Variants in DCAF17 observed in about 807,000 individuals in gnomAD.
DCAF17 encodes DDB1- and CUL4-associated factor 17.
DCAF17 carries 48 observed loss-of-function variants against 66.0 expected under a neutral mutation model. The observed-to-expected ratio is 0.73, with a 90% CI of 0.58 to 0.92. DCAF17 has a LOEUF of 0.92. DCAF17 is among the 40% of genes least tolerant of loss of function. The pLI is 0.00. For missense variants in DCAF17, 562 were observed against 622.8 expected, an observed-to-expected ratio of 0.90 and a Z score of 1.04; for synonymous variants, 206 against 214.6, an observed-to-expected ratio of 0.96 and a Z score of 0.35.
In DCAF17 at chr2:171,447,512, C is replaced by T. The variant is rs758039475; in HGVS notation, c.322-1169C>T. 67 of 177,368 alleles carry T rather than the reference C, an allele frequency of 3.8e-4. 1 individual carries two copies. The highest frequency in any genetic ancestry group is 1.2e-4 in the Non-Finnish European group (10 of 82,880). The allele number at this position is 177,368 out of a possible 1,614,324, so 11.0% of individuals were successfully genotyped here. A position where few individuals can be genotyped will look rare whatever the true frequency, so the allele number is the denominator to read the frequency against. ...AGTAGCTGGGATTATAGGCAAGCACCGCAACGCCCAGCTAATTTTTGTATT... is the reference window on the plus strand; with the variant it reads ...AGTAGCTGGGATTATAGGCAAGCACTGCAACGCCCAGCTAATTTTTGTATT... On this transcript the variant is annotated intron_variant, in intron 3 of 13. Transcript: ENST00000375255.
At chr2:171,447,166 A>G (rs566724506) in intron 3 of DCAF17, among the ~76,000 whole-genome samples, 8 of 151,982 alleles carry the variant, frequency 5.3e-5, no homozygotes, top group African/African-American at 9.6e-5. Flanking sequence ...GTGGTGTATA[A>G]TGTGTTATTC....
At chr2:171,443,255 C>T (rs554684015) in intron 2 of DCAF17, 7 of 276,790 alleles carry the variant, frequency 2.5e-5, no homozygotes, top group East Asian at 7.8e-5. Context: ...CGTCCAGGTA[C>T]GTATATGTAT....
chr2:171,452,235 T>C (rs201612035), intron 5 of DCAF17, among the ~76,000 whole-genome samples: 1 of 152,134 alleles, frequency 6.6e-6, no homozygotes, highest in African/African-American at 2.4e-5. Flanking sequence ...AGACTGGCTG[T>C]GATGGGGCAG....
At chr2:171,471,784 G>A (rs1696255403) in intron 9 of DCAF17, among the ~76,000 whole-genome samples, 1 of 152,128 alleles carries the variant, frequency 6.6e-6, no homozygotes, top group Non-Finnish European at 1.5e-5. Flanking sequence ...GGAGGCCTAG[G>A]CAGGCAGATG....
chr2:171,480,071 G>A lies in DCAF17; in HGVS notation c.1300G>A (p.Asp434Asn), dbSNP rs1559294182. ...AATTGTGGACTATGAAGATGAGTTA[G>A]ATTTGCTTTCTGTGGTAGCTGTTAC... ...FKIVDYEDELDLLSVVAVTQI... is the reference protein window; with the variant it reads ...FKIVDYEDELNLLSVVAVTQI... Residue 434 changes from aspartate to asparagine, a missense_variant, in exon 13 of 14, where the codon GAT becomes AAT. Around this residue, in one of 3 missense-constraint regions of DCAF17, gnomAD observed 201 missense variants for 231.1 expected, o/e 0.87. Transcript: ENST00000375255. 1 of 1,613,716 alleles carries A rather than the reference G, an allele frequency of 6.2e-7. No individual in the cohort carries two copies. The highest frequency in any genetic ancestry group is 8.5e-7 in the Non-Finnish European group (1 of 1,179,756).
At chr2:171,455,013 T>C (rs1008230678) in intron 6 of DCAF17, among the ~76,000 whole-genome samples, 1 of 152,070 alleles carries the variant, frequency 6.6e-6, no homozygotes, top group African/African-American at 2.4e-5. Flanking sequence ...ATGTGCATTA[T>C]GTGCAGGTTT....
At chr2:171,480,780 T>C (rs1238312313) in intron 13 of DCAF17, among the ~76,000 whole-genome samples, 194 bp from the exon 14 acceptor site, 5 of 152,194 alleles carry the variant, frequency 3.3e-5, no homozygotes, top group Non-Finnish European at 7.4e-5. Context: ...TTTTATTCTC[T>C]ATATTTTGTA....
At chr2:171,461,617 A>G (rs1695590397) in intron 8 of DCAF17, among the ~76,000 whole-genome samples, 2 of 152,190 alleles carry the variant, frequency 1.3e-5, no homozygotes. Context: ...ATCATACCAT[A>G]AGTGCTCTTT....
In DCAF17 at chr2:171,452,900, A is replaced by G. The variant is rs530669267; in HGVS notation, c.538-224A>G. On this transcript the variant is annotated intron_variant, in intron 5 of 13. Transcript: ENST00000375255. The stretch of plus-strand genomic sequence containing the variant: ...TACTTTTATGGATTTTTGTCTGTAT[A>G]TATGCGCATGTGTGTCTGAAGGGCT... Among the ~76,000 whole-genome samples the G allele has an allele frequency of 7.2e-5, 11 of 152,324 alleles. No individual in the cohort carries two copies. The South Asian group carries it at 1.4e-3, about 20-fold the overall frequency.
At chr2:171,456,424 CAGAT>C (rs1250650405) in intron 6 of DCAF17, among the ~76,000 whole-genome samples, 1 of 152,182 alleles carries the variant, frequency 6.6e-6, no homozygotes, top group Non-Finnish European at 1.5e-5. Context: ...AGTTTGAAGT[CAGAT>C]AGCATGATGT....
intron 8 of DCAF17, among the ~76,000 whole-genome samples, chr2:171,467,682 A>T (rs1489294505): frequency 2.8e-5 from 4 of 142,878 alleles, no homozygotes; most frequent in Non-Finnish European, 6.1e-5. Context: ...GTGAGCCAAG[A>T]TTGTGCTACT....
At chr2:171,464,146 GCTTAC>G (rs1311036310) in intron 8 of DCAF17, among the ~76,000 whole-genome samples, 2 of 152,086 alleles carry the variant, frequency 1.3e-5, no homozygotes, top group Non-Finnish European at 2.9e-5. Context: ...TGTGTCCCAG[GCTTAC>G]CTTTAACTTT....
rs1198888222 is a variant in DCAF17, at chr2:171,485,047, A to G, written c.*3933A>G. The stretch of plus-strand genomic sequence containing the variant: ...GAATAAAGCTGCTATGAACATTCTT[A>G]GACAATTCTTTTGTGAACATGTGTC... On this transcript the variant is annotated 3_prime_UTR_variant, in exon 14 of 14. Transcript: ENST00000375255. The G allele has an allele frequency of 4.4e-6, 2 of 450,620 alleles. No individual in the cohort carries two copies. The highest frequency in any genetic ancestry group is 3.2e-5 in the South Asian group (2 of 63,144). The allele number at this position is 450,620 out of a possible 1,614,324, so 27.9% of individuals were successfully genotyped here. A position where few individuals can be genotyped will look rare whatever the true frequency, so the allele number is the denominator to read the frequency against.
chr2:171,439,449 T>C (rs1694163209), intron 2 of DCAF17, among the ~76,000 whole-genome samples: 2 of 151,980 alleles, frequency 1.3e-5, no homozygotes, highest in South Asian at 2.1e-4. Context: ...TACTGATAAC[T>C]GTTAAAGGCG....
chr2:171,441,754 T>C (rs1212876234), intron 2 of DCAF17, among the ~76,000 whole-genome samples: 1 of 152,260 alleles, frequency 6.6e-6, no homozygotes, highest in Non-Finnish European at 1.5e-5. Context: ...CTATTCTTAC[T>C]GAGCAGTAGT....
intron 2 of DCAF17, among the ~76,000 whole-genome samples, chr2:171,441,428 G>A (rs1470784874): frequency 1.3e-5 from 2 of 152,176 alleles, no homozygotes; most frequent in Admixed American, 6.5e-5. Flanking sequence ...GATAAGGCCA[G>A]TTAGGGCCTC....
chr2:171,463,719 C>T (rs1467326907), intron 8 of DCAF17, among the ~76,000 whole-genome samples: 1 of 152,124 alleles, frequency 6.6e-6, no homozygotes, highest in Non-Finnish European at 1.5e-5. Flanking sequence ...ATTAGTGATC[C>T]TTGCCTGAAT....
rs879253799 is a variant in DCAF17 at position 171,443,558 on chromosome 2, CA to C, written c.270del (p.Lys90AsnfsTer8). 6.2e-7 allele frequency: 1 copy of C among 1,612,830 alleles called. No homozygotes were observed. The highest frequency in any genetic ancestry group is 1.1e-5 in the South Asian group (1 of 91,046). ...GAGCCAAGAAAACTTTATGAAATGC[CA>C]AAATGTTCCAAATCAGAAAAAATAG... Reference protein sequence around the residue: ...ASEPRKLYEMPKCSKSEKIED... With the variant: ...ASEPRKLYEMXKCSKSEKIED... On this transcript the variant is annotated frameshift_variant, in exon 3 of 14. Coordinates refer to ENST00000375255, the MANE Select transcript of DCAF17 (RefSeq NM_025000.4). LOFTEE classifies it high-confidence loss of function.
intron 9 of DCAF17, among the ~76,000 whole-genome samples, chr2:171,469,753 T>G (rs6729749): frequency 0.016 from 2,365 of 152,156 alleles, 63 homozygotes; most frequent in African/African-American, 0.05. Flanking sequence ...GTGCAAAAAG[T>G]GAGTTAAGGG....
Sources: allele counts gnomAD v4.1 joint callset (sites outside exome capture counted in the v4.1 genomes callset), GRCh38; gene constraint gnomAD v4.1.1; regional missense constraint gnomAD v4.1.1; transcripts MANE v1.5; gene names NCBI Gene and HGNC (gene_info 2026-07-23, HGNC 2026-07-21).